Variants in DNAH3 observed in about 807,000 individuals in gnomAD.
DNAH3 encodes dynein axonemal heavy chain 3.
In DNAH3, 332 loss-of-function variants were observed where a neutral mutation model predicts 432.5. The observed-to-expected ratio is 0.77, with a 90% confidence interval of 0.70 to 0.84. DNAH3 has a LOEUF of 0.84. Among genes scored for constraint, DNAH3 ranks in the 40% least tolerant of loss-of-function variants. The pLI, the probability that DNAH3 is intolerant of heterozygous loss-of-function variation, is 0.00. For synonymous variants in DNAH3, 1,956 were observed against 1,900.2 expected, an observed-to-expected ratio of 1.03 and a Z score of -0.76; for missense variants, 4,861 against 5,114.0, an observed-to-expected ratio of 0.95 and a Z score of 1.51.
At chr16:20,962,368 G>A (rs1472013089) in intron 53 of DNAH3, among the ~76,000 whole-genome samples, 1 of 152,044 alleles carries the variant, frequency 6.6e-6, no homozygotes, top group Non-Finnish European at 1.5e-5. Context: ...AATTTAATTG[G>A]CCAAAGCTGT....
At chr16:21,025,058 G>A (rs535673802) in intron 38 of DNAH3, among the ~76,000 whole-genome samples, 3 of 152,142 alleles carry the variant, frequency 2.0e-5, no homozygotes, top group Non-Finnish European at 4.4e-5. Flanking sequence ...CCGAGTAGCT[G>A]GAATTACAAG....
intron 39 of DNAH3, among the ~76,000 whole-genome samples, chr16:21,023,530 A>C (rs963433672): frequency 1.3e-5 from 2 of 152,172 alleles, no homozygotes; most frequent in Non-Finnish European, 2.9e-5. Flanking sequence ...AGATAAACTG[A>C]GGCAAGAGTC....
chr16:21,057,422 G>C (rs1404363448), intron 27 of DNAH3, among the ~76,000 whole-genome samples: 2 of 152,088 alleles, frequency 1.3e-5, no homozygotes, highest in Non-Finnish European at 2.9e-5. Flanking sequence ...TCATTTACTG[G>C]CATCTCATTT....
intron 29 of DNAH3, 99 bp from the exon 30 acceptor site, chr16:21,050,117 T>G: frequency 1.1e-6 from 1 of 873,948 alleles, no homozygotes; most frequent in South Asian, 1.7e-5. Flanking sequence ...TTTAGGTTAG[T>G]GCAAAAGTGA....
chr16:21,067,980 C>T (rs1187176940), intron 23 of DNAH3, among the ~76,000 whole-genome samples: 1 of 152,116 alleles, frequency 6.6e-6, no homozygotes, highest in East Asian at 1.9e-4. Flanking sequence ...GAGTCAGTTT[C>T]TGTCACTTGC....
exon 48 of DNAH3, chr16:20,985,343 T>C: frequency 6.2e-7 from 1 of 1,614,218 alleles, no homozygotes; most frequent in Non-Finnish European, 8.5e-7. Context: ...CGCCAGTCAT[T>C]GCCTGCGTAG....
At chr16:21,019,830 C>T in exon 41 of DNAH3, 2 of 1,614,126 alleles carry the variant, frequency 1.2e-6, no homozygotes, top group Non-Finnish European at 1.7e-6. Flanking sequence ...CAGGCCTTCA[C>T]CTAATTCCAT....
intron 55 of DNAH3, among the ~76,000 whole-genome samples, chr16:20,953,313 C>T (rs2084400987): frequency 6.6e-6 from 1 of 151,894 alleles, no homozygotes; most frequent in Non-Finnish European, 1.5e-5. Context: ...CACGTGCCAC[C>T]ACGCCCAGCT....
intron 47 of DNAH3, among the ~76,000 whole-genome samples, chr16:20,986,180 A>G (rs1347734645): frequency 6.6e-6 from 1 of 151,254 alleles, no homozygotes; most frequent in Non-Finnish European, 1.5e-5. Flanking sequence ...TTTAAACATA[A>G]TATGTGGATT....
intron 18 of DNAH3, among the ~76,000 whole-genome samples, chr16:21,088,281 AGTAGCCTGTACTTGGGAGGGTTT>A (rs2091439776): frequency 6.6e-6 from 1 of 152,226 alleles, no homozygotes; most frequent in Admixed American, 6.5e-5. Flanking sequence ...GCAACAAGTG[AGTAGCCTGTACTTGGGAGGGTTT>A]GGCTGAATTA....
chr16:21,050,009 C>T (rs2089886046), exon 30 of DNAH3: 2 of 1,613,650 alleles, frequency 1.2e-6, no homozygotes, highest in Admixed American at 3.3e-5. Flanking sequence ...TCAAAGCTCC[C>T]ATCAGTGTCC....
At chr16:21,156,085 C>G (rs2092895264) in intron 1 of DNAH3, among the ~76,000 whole-genome samples, 1 of 152,132 alleles carries the variant, frequency 6.6e-6, no homozygotes, top group African/African-American at 2.4e-5. Context: ...AGGCCCCCTT[C>G]CATGTTGCAG....
chr16:21,089,937 C>A (rs558375144), intron 18 of DNAH3, among the ~76,000 whole-genome samples: 4 of 151,330 alleles, frequency 2.6e-5, no homozygotes, highest in Non-Finnish European at 4.4e-5. Context: ...GCAAGACAGG[C>A]AAAGAAAAAA....
At chr16:21,153,548 G>A (rs376170774) in intron 1 of DNAH3, among the ~76,000 whole-genome samples, 1 of 152,206 alleles carries the variant, frequency 6.6e-6, no homozygotes, top group South Asian at 2.1e-4. Flanking sequence ...GGCCAGCAGT[G>A]GCAAGCCGCT....
At chr16:20,995,193 G>A (rs890591339) in intron 44 of DNAH3, among the ~76,000 whole-genome samples, 6 of 151,758 alleles carry the variant, frequency 4.0e-5, no homozygotes, top group East Asian at 1.9e-4. Context: ...TAATCTGCCC[G>A]CTTTGGCATC....
At chr16:21,049,129 G>A (rs959957925) in intron 31 of DNAH3, among the ~76,000 whole-genome samples, 8 of 151,948 alleles carry the variant, frequency 5.3e-5, no homozygotes, top group African/African-American at 1.9e-4. Context: ...GAATAGCTGA[G>A]GCTATTTTAT....
exon 28 of DNAH3, chr16:21,054,422 T>C: frequency 1.2e-6 from 2 of 1,613,200 alleles, no homozygotes; most frequent in African/African-American, 2.7e-5. Context: ...TGGCTTACCG[T>C]GGACATCGAT....
chr16:21,115,791 T>C (rs2092183886), intron 12 of DNAH3, among the ~76,000 whole-genome samples: 2 of 150,174 alleles, frequency 1.3e-5, no homozygotes, highest in Non-Finnish European at 3.0e-5. Context: ...AAAATAACTG[T>C]GTGTCTAAGA....
At chr16:21,067,521 T>C in intron 23 of DNAH3, 102 bp from the exon 24 acceptor site, 1 of 1,258,556 alleles carries the variant, frequency 7.9e-7, no homozygotes, top group Non-Finnish European at 1.1e-6. Context: ...GCACTCCTTG[T>C]CCAGCTAACT....
Sources: allele counts gnomAD v4.1 joint callset (sites outside exome capture counted in the v4.1 genomes callset), GRCh38; gene constraint gnomAD v4.1.1; transcripts MANE v1.5; gene names NCBI Gene and HGNC (gene_info 2026-07-23, HGNC 2026-07-21).